The following COPS7A variants were observed in gnomAD, a reference collection of about 807,000 sequenced individuals.
COPS7A encodes the protein COP9 signalosome subunit 7A.
COPS7A carries 20 observed loss-of-function variants against 35.2 expected under a neutral mutation model. That is an observed-to-expected ratio of 0.57 (90% CI 0.40 to 0.83). The LOEUF is 0.83. Ranked by LOEUF, COPS7A falls within the 40% of genes least tolerant of loss-of-function variation. COPS7A has a pLI of 0.00. For missense variants in COPS7A, 247 were observed against 347.5 expected (o/e 0.71, Z 2.30); for synonymous variants, 139 against 141.4 (o/e 0.98, Z 0.12).
At position 6,729,028 on chromosome 12, in the gene COPS7A, T is replaced by G; in HGVS notation, c.328-219T>G. On this transcript the variant is annotated intron_variant, in intron 4 of 7. Coordinates refer to ENST00000543155, the MANE Select transcript of COPS7A (RefSeq NM_001164094.2). The surrounding 1 kb of genome is among the most constrained non-coding windows in gnomAD (Gnocchi z 4.2). ...CAGGGGTGAGGGTGTTAGGGGAGCATTTTGTATTTTATTTAAGATTGTCCT... is the reference window on the plus strand; with the variant it reads ...CAGGGGTGAGGGTGTTAGGGGAGCAGTTTGTATTTTATTTAAGATTGTCCT... The G allele has an allele frequency of 1.1e-5, 6 of 547,988 alleles. No individual in the cohort carries two copies. The highest frequency in any genetic ancestry group is 1.9e-5 in the African/African-American group (1 of 52,768). 33.9% of individuals were successfully genotyped at this position (547,988 alleles called of 1,614,324 possible).
chr12:6,730,326 C>T (rs1307476444), intron 5 of COPS7A, 76 bp from the exon 6 acceptor site: 16 of 1,444,536 alleles, frequency 1.1e-5, no homozygotes, highest in South Asian at 2.3e-5. Flanking sequence ...CTCTAGGGTT[C>T]TTTTTGAGTC....
Position 6,724,743 on chromosome 12 carries a change from A to G in COPS7A, c.87A>G (p.Thr29=), listed in dbSNP as rs1432466165. The G allele has an allele frequency of 6.2e-7, 1 of 1,614,110 alleles. No individual in the cohort carries two copies. Among genetic ancestry groups the G allele is most frequent in the Admixed American group, 1.7e-5 (1 of 59,998 alleles). The part of the protein sequence containing the change: ...AKSAKGAALA[T]LIHQVLEAPG... Reference sequence around the variant, plus strand: ...CGGCCAAGGGGGCAGCGCTGGCCACACTCATCCATCAGGTGCTGGAGGCCC... The same window carrying G: ...CGGCCAAGGGGGCAGCGCTGGCCACGCTCATCCATCAGGTGCTGGAGGCCC... Residue 29 remains threonine (T), a synonymous_variant, in exon 2 of 8, where the codon ACA becomes ACG. Transcript: ENST00000543155.
In COPS7A at chr12:6,724,956, C is replaced by T. The variant is rs1324706691; in HGVS notation, c.162+138C>T. The T allele has an allele frequency of 1.9e-5, 17 of 873,894 alleles. No homozygotes were observed. In the East Asian group the frequency reaches 3.4e-4, roughly 18 times the overall value. 54.1% of individuals were successfully genotyped at this position (873,894 alleles called of 1,614,324 possible). On this transcript the variant is annotated intron_variant, in intron 2 of 7. Transcript: ENST00000543155. ...ACAGTGATAATTAAATGCCAACTTG[C>T]AGAAGTAACCAGTGAACAAGCAAAC...
intron 5 of COPS7A, 86 bp from the exon 6 acceptor site, chr12:6,730,316 C>G: frequency 7.6e-7 from 1 of 1,313,910 alleles, no homozygotes; most frequent in Admixed American, 1.7e-5. Flanking sequence ...TGCGCCCTGC[C>G]TCTAGGGTTC....
At chr12:6,728,392 C>G in intron 4 of COPS7A, 81 bp downstream of exon 4, 1 of 1,240,756 alleles carries the variant, frequency 8.1e-7, no homozygotes, top group Non-Finnish European at 1.2e-6. Flanking sequence ...CAGCCCTTGT[C>G]TAGACCGTGG....
At chr12:6,725,082 C>A (rs753970486) in intron 2 of COPS7A, among the ~76,000 whole-genome samples, 34 of 152,018 alleles carry the variant, frequency 2.2e-4, no homozygotes, top group Non-Finnish European at 4.1e-4. Flanking sequence ...TCCAGCCGGT[C>A]TCCACCAGTG....
At chr12:6,730,553 G>A (rs1196474510) in intron 6 of COPS7A, 46 bp downstream of exon 6, 4 of 1,612,256 alleles carry the variant, frequency 2.5e-6, no homozygotes, top group Admixed American at 3.3e-5. Context: ...TCCAGCCTGG[G>A]CGACTTGTCC....
intron 4 of COPS7A, among the ~76,000 whole-genome samples, chr12:6,728,720 C>T (rs1471843393): frequency 3.9e-5 from 6 of 152,144 alleles, no homozygotes; most frequent in African/African-American, 7.2e-5. Context: ...ATATCACCAC[C>T]CACCTCCCCA....
chr12:6,724,856 G>A (rs1941211708), intron 2 of COPS7A, 38 bp downstream of exon 2: 3 of 1,606,678 alleles, frequency 1.9e-6, no homozygotes, highest in East Asian at 4.5e-5. Flanking sequence ...GAGAAGCGTG[G>A]GCAAAGGTTT....
At position 6,729,432 on chromosome 12, in the gene COPS7A, C is replaced by G. The variant is rs1941338735; in HGVS notation, c.513C>G (p.Ala171=). The G allele has an allele frequency of 6.2e-7, 1 of 1,613,680 alleles. No individual in the cohort carries two copies. Among genetic ancestry groups the G allele is most frequent in the African/African-American group, 1.3e-5 (1 of 74,928 alleles). The change falls in exon 5 of 8, where the codon GCC becomes GCG. Residue 171 remains alanine (A), a synonymous_variant. Coordinates refer to ENST00000543155, the MANE Select transcript of COPS7A (RefSeq NM_001164094.2). This position sits in a 1 kb window ranked among gnomAD's most constrained non-coding sequence, Gnocchi z 4.2. The part of the protein sequence containing the change: ...DIQRQDLSAI[A]RTLQEWCVGC... ...AGCGCCAGGACCTCAGTGCCATTGCCCGAACCCTGCAGGAATGGTGAGAAC... is the reference window on the plus strand; with the variant it reads ...AGCGCCAGGACCTCAGTGCCATTGCGCGAACCCTGCAGGAATGGTGAGAAC...
chr12:6,728,055 C>T, intron 3 of COPS7A, 54 bp downstream of exon 3: 1 of 1,573,808 alleles, frequency 6.4e-7, no homozygotes, highest in Non-Finnish European at 8.7e-7. Context: ...AGGGCAATTT[C>T]TGGAGGGACT....
In COPS7A at chr12:6,724,195, C is replaced by A. The variant is rs572037469; in HGVS notation, c.-44+16C>A. On this transcript the variant is annotated intron_variant, in intron 1 of 7. Coordinates refer to ENST00000543155, the MANE Select transcript of COPS7A (RefSeq NM_001164094.2). ...CTGACCCAGGGTACGACGAAGCAGTCGGCGGGAGCCCACGGTCGCTGGGCG... is the reference window on the plus strand; with the variant it reads ...CTGACCCAGGGTACGACGAAGCAGTAGGCGGGAGCCCACGGTCGCTGGGCG... 1.4e-5 allele frequency: 4 copies of A among 278,244 alleles called. No homozygotes were observed. Among genetic ancestry groups the A allele is most frequent in the South Asian group, 1.1e-4 (4 of 36,518 alleles). 17.2% of individuals were successfully genotyped at this position (278,244 alleles called of 1,614,324 possible). A position where few individuals can be genotyped will look rare whatever the true frequency, so the allele number is the denominator to read the frequency against.
rs199528968 is a variant in COPS7A, at chr12:6,724,834, G to T, written c.162+16G>T. ...TGTTAGAGAGGTGGGTTGCTGGCTT[G>T]AATAGCCCTCAGAGAAGCGTGGGCA... is the stretch of plus-strand genomic sequence containing the variant. On this transcript the variant is annotated intron_variant, in intron 2 of 7. Coordinates refer to ENST00000543155, the MANE Select transcript of COPS7A (RefSeq NM_001164094.2). 4.6e-5 allele frequency: 74 copies of T among 1,613,578 alleles called. No individual in the cohort carries two copies. The highest frequency in any genetic ancestry group is 1.3e-5 in the Non-Finnish European group (15 of 1,179,606).
Position 6,728,232 on chromosome 12 carries a change from G to A in COPS7A, c.248G>A (p.Arg83Gln), listed in dbSNP as rs147088395. 9 of 1,613,824 alleles carry A rather than the reference G, an allele frequency of 5.6e-6. No individual in the cohort carries two copies. Among genetic ancestry groups the A allele is most frequent in the South Asian group, 3.3e-5 (3 of 91,056 alleles). ...TGTCGTTTTTCCCTAGCTGAAGCCC[G>A]GAATCTTCCTCCACTAACAGAGGCT... The part of the protein sequence containing the change: ...GTYADYLAEA[R>Q]NLPPLTEAQK... Residue 83 changes from arginine to glutamine, a missense_variant, in exon 4 of 8, where the codon CGG (arginine) becomes CAG (glutamine). Coordinates refer to ENST00000543155, the MANE Select transcript of COPS7A (RefSeq NM_001164094.2).
intron 2 of COPS7A, among the ~76,000 whole-genome samples, 200 bp downstream of exon 2, chr12:6,725,018 A>G (rs1458885240): frequency 6.6e-6 from 1 of 152,212 alleles, no homozygotes; most frequent in Non-Finnish European, 1.5e-5. Flanking sequence ...TGTAAAGCCC[A>G]CTATTTTTCA....
chr12:6,730,549 C>CTGGGCGACTTGTCCTTTGCAGAGAGAATT, intron 6 of COPS7A, 42 bp downstream of exon 6: 1 of 1,611,830 alleles, frequency 6.2e-7, no homozygotes, highest in East Asian at 2.2e-5. Context: ...CTCCTCCAGC[C>CTGGGCGACTTGTCCTTTGCAGAGAGAATT]TGGGCGACTT....
intron 2 of COPS7A, among the ~76,000 whole-genome samples, chr12:6,726,895 G>A (rs923480718): frequency 6.6e-6 from 1 of 152,190 alleles, no homozygotes; most frequent in Non-Finnish European, 1.5e-5. Context: ...GAAGATGAAT[G>A]GATAGAAATC....
Position 6,729,434 on chromosome 12 carries a change from G to A in COPS7A, c.515G>A (p.Arg172Gln), listed in dbSNP as rs752921004. Residue 172 changes from arginine (R) to glutamine (Q), a missense_variant, in exon 5 of 8, where the codon CGA becomes CAA. By Grantham distance (43) the Arg-to-Gln change is conservative (BLOSUM62 1). Transcript: ENST00000543155. The surrounding 1 kb of genome is among the most constrained non-coding windows in gnomAD (Gnocchi z 4.2). ...IQRQDLSAIARTLQEWCVGCE... is the reference protein window; with the variant it reads ...IQRQDLSAIAQTLQEWCVGCE... ...CGCCAGGACCTCAGTGCCATTGCCCGAACCCTGCAGGAATGGTGAGAACCG... is the reference window on the plus strand; with the variant it reads ...CGCCAGGACCTCAGTGCCATTGCCCAAACCCTGCAGGAATGGTGAGAACCG... 66 of 1,613,540 alleles carry A rather than the reference G, an allele frequency of 4.1e-5. No homozygotes were observed. The highest frequency in any genetic ancestry group is 1.2e-4 in the South Asian group (11 of 91,078).
intron 5 of COPS7A, among the ~76,000 whole-genome samples, chr12:6,730,099 T>C (rs1941354430): frequency 1.3e-5 from 2 of 152,186 alleles, no homozygotes; most frequent in South Asian, 4.1e-4. Flanking sequence ...CACTGCAGCC[T>C]CCAACTTCCA....
Sources: gnomAD v4.1 joint callset for allele counts (sites outside exome capture counted in the v4.1 genomes callset) on GRCh38, gnomAD v4.1.1 for gene constraint, Gnocchi (gnomAD v3.1) non-coding constraint, MANE v1.5 for transcripts, NCBI Gene and HGNC (gene_info 2026-07-23, HGNC 2026-07-21) for gene names.